The following BTK variants were observed in gnomAD, a reference collection of about 807,000 sequenced individuals.
BTK encodes the protein Bruton tyrosine kinase.
BTK carries 5 observed loss-of-function variants against 57.4 expected under a neutral mutation model. That is an observed-to-expected ratio of 0.09 (90% CI 0.05 to 0.18). BTK has a LOEUF of 0.18. Among genes scored for constraint, BTK ranks in the 10% least tolerant of loss-of-function variants. The pLI is 1.00. For synonymous variants in BTK, 154 were observed against 174.3 expected (o/e 0.88, Z 0.92); for missense variants, 194 against 501.2 (o/e 0.39, Z 5.85).
chrX:101,375,901 C>T (rs1435994904), intron 1 of BTK, among the ~76,000 whole-genome samples: 1 of 111,745 alleles, frequency 8.9e-6, no homozygotes, highest in Non-Finnish European at 1.9e-5. Flanking sequence ...ATTTTGCCCA[C>T]ACCCACTGAC....
At chrX:101,373,867 C>T (rs1569296132) in intron 3 of BTK, among the ~76,000 whole-genome samples, 1 of 109,407 alleles carries the variant, frequency 9.1e-6, no homozygotes, top group Non-Finnish European at 1.9e-5. Context: ...CATGGTGAAA[C>T]CCCGTCTCTA....
At chrX:101,363,108 T>C (rs782635619) in intron 5 of BTK, among the ~76,000 whole-genome samples, 2 of 112,220 alleles carry the variant, frequency 1.8e-5, no homozygotes, top group Non-Finnish European at 3.8e-5. Context: ...TTGAGTGATC[T>C]TTTAGGGATA....
In BTK at chrX:101,362,413, C is replaced by A; in HGVS notation, c.520+148G>T. On this transcript the variant is annotated intron_variant, in intron 6 of 18. Coordinates refer to ENST00000308731, the MANE Select transcript of BTK (RefSeq NM_000061.3). ...GAGCAGATTACCAGCTGGATTTCAGCCCCCATGTGCCTCCTCCCTCCCCCA... is the reference window on the plus strand; with the variant it reads ...GAGCAGATTACCAGCTGGATTTCAGACCCCATGTGCCTCCTCCCTCCCCCA... 3.1e-6 allele frequency: 3 copies of A among 982,469 alleles called. No individual in the cohort carries two copies. In the South Asian group the frequency reaches 5.8e-5, roughly 19 times the overall value. 81.0% of individuals were successfully genotyped at this position (982,469 alleles called of 1,213,427 possible). A position where few individuals can be genotyped will look rare whatever the true frequency, so the allele number is the denominator to read the frequency against.
intron 1 of BTK, among the ~76,000 whole-genome samples, chrX:101,379,458 G>A (rs961179858): frequency 3.6e-5 from 4 of 111,714 alleles, no homozygotes; most frequent in African/African-American, 1.3e-4. Flanking sequence ...TACCTGACAG[G>A]CATTTTACAG....
At chrX:101,388,157 TG>T (rs1555982736), upstream of BTK, among the ~76,000 whole-genome samples, 1 of 111,759 alleles carries the variant, frequency 8.9e-6, no homozygotes, top group Non-Finnish European at 1.9e-5. Flanking sequence ...TGAGCCACCG[TG>T]CCCAGGCTCT....
At chrX:101,388,252 G>A (rs1927683230), upstream of BTK, among the ~76,000 whole-genome samples, 1 of 111,159 alleles carries the variant, frequency 9.0e-6, no homozygotes, top group Non-Finnish European at 1.9e-5. Flanking sequence ...GAGGTGATAG[G>A]CATCCAATGG....
intron 16 of BTK, 59 bp downstream of exon 16, chrX:101,354,571 C>G: frequency 1.8e-6 from 2 of 1,090,154 alleles, no homozygotes; most frequent in South Asian, 3.7e-5. Context: ...AACACCTACC[C>G]ATGTTTCATA....
rs560730832 is a variant in BTK at position 101,378,748 on chromosome X, G to A, written c.-30-3434C>T. 3.8e-3 allele frequency among the ~76,000 whole-genome samples: 424 copies of A among 111,735 alleles called. 1 individual carries two copies. Among genetic ancestry groups the A allele is most frequent in the Non-Finnish European group, 6.8e-3 (364 of 53,184 alleles). On this transcript the variant is annotated intron_variant, in intron 1 of 18. Transcript: ENST00000308731. ...ATGGAGCAACAGAATTCAGAAAGAC[G>A]AAGCTTATTAACAAGAGTGCAGCCA...
intron 5 of BTK, among the ~76,000 whole-genome samples, chrX:101,367,667 A>T (rs1211920144): frequency 9.1e-6 from 1 of 109,447 alleles, no homozygotes; most frequent in Admixed American, 9.9e-5. Flanking sequence ...TAAATAAATA[A>T]ATAAATAAAT....
At chrX:101,376,290 G>A (rs897049003) in intron 1 of BTK, among the ~76,000 whole-genome samples, 2 of 111,652 alleles carry the variant, frequency 1.8e-5, no homozygotes, top group African/African-American at 3.3e-5. Context: ...TACTAATTCC[G>A]AACTTTCATT....
In BTK at chrX:101,356,967, G is replaced by A. The variant is rs781912124; in HGVS notation, c.1178-12C>T. 9.9e-6 allele frequency: 12 copies of A among 1,208,176 alleles called. No homozygotes were observed. The South Asian group carries it at 1.9e-4, about 19-fold the overall frequency. On this transcript the variant is annotated splice_polypyrimidine_tract_variant and intron_variant, in intron 13 of 18. Transcript: ENST00000308731. ...AATTTCCCATGATCCTAACAATAAA[G>A]TCTTGGTGTGATTCTTTGGGGTCAT...
upstream of BTK, among the ~76,000 whole-genome samples, chrX:101,387,870 G>GTTT (rs782432904): frequency 4.2e-5 from 4 of 95,618 alleles, no homozygotes; most frequent in Admixed American, 1.1e-4. Flanking sequence ...CTTTTCTTCA[G>GTTT]TTTTTTTTTT....
chrX:101,363,288 A>AT (rs34064018), intron 5 of BTK, among the ~76,000 whole-genome samples: 38,540 of 110,954 alleles, frequency 0.35, 5,278 homozygotes, highest in African/African-American at 0.5. Context: ...CAGCAGCTTC[A>AT]TTCCCTCATG....
At position 101,360,775 on chromosome X, in the gene BTK, G is replaced by T; in HGVS notation, c.589-20C>A. On this transcript the variant is annotated intron_variant, in intron 7 of 18. Coordinates refer to ENST00000308731, the MANE Select transcript of BTK (RefSeq NM_000061.3). ...CAAGATCTATGTAGTTAGGAGAAAA[G>T]GTAGGAGGGTTTGTCAAGATACCAA... The T allele has an allele frequency of 8.3e-7, 1 of 1,199,848 alleles. No individual in the cohort carries two copies. Among genetic ancestry groups the T allele is most frequent in the Non-Finnish European group, 1.1e-6 (1 of 885,181 alleles).
intron 7 of BTK, among the ~76,000 whole-genome samples, chrX:101,361,859 C>A (rs1278435012): frequency 1.8e-5 from 2 of 112,398 alleles, no homozygotes; most frequent in African/African-American, 6.5e-5. Flanking sequence ...CATGCCATTA[C>A]ACTCGAACCT....
At chrX:101,387,121 G>T (rs1927633373), upstream of BTK, among the ~76,000 whole-genome samples, 1 of 111,315 alleles carries the variant, frequency 9.0e-6, no homozygotes, top group Non-Finnish European at 1.9e-5. Flanking sequence ...CAGATCACAG[G>T]TCCCACTACA....
intron 10 of BTK, 99 bp downstream of exon 10, chrX:101,359,194 G>T: frequency 1.1e-6 from 1 of 951,701 alleles, no homozygotes; most frequent in Non-Finnish European, 1.5e-6. Flanking sequence ...TGGCAGCTTT[G>T]ACACTGCCTT....
chrX:101,358,542 G>C (rs1312032332), intron 11 of BTK, 75 bp downstream of exon 11: 32 of 1,171,907 alleles, frequency 2.7e-5, no homozygotes, highest in Non-Finnish European at 3.7e-5. Context: ...GAAGTGGGAC[G>C]GGCACAGCAT....
rs377078083 is a variant in BTK at position 101,379,063 on chromosome X, A to C, written c.-30-3749T>G. Among the ~76,000 whole-genome samples, 190 of 108,089 alleles carry C rather than the reference A, an allele frequency of 1.8e-3. 1 individual carries two copies. The South Asian group carries it at 0.062, about 35-fold the overall frequency. 93.9% of individuals were successfully genotyped at this position (108,089 alleles called of 115,157 possible). ...GTGACAGGCGCCTGTAGTCCCAGCA[A>C]CTCAGGAGGCTGAGGCAGGAGAATC... On this transcript the variant is annotated intron_variant, in intron 1 of 18. Coordinates refer to ENST00000308731, the MANE Select transcript of BTK (RefSeq NM_000061.3).
Sources: gnomAD v4.1 joint callset for allele counts (sites outside exome capture counted in the v4.1 genomes callset) on GRCh38, gnomAD v4.1.1 for gene constraint, MANE v1.5 for transcripts, NCBI Gene and HGNC (gene_info 2026-07-23, HGNC 2026-07-21) for gene names.